The following SLC4A5 variants were observed in gnomAD, a reference collection of about 807,000 sequenced individuals.
SLC4A5 encodes solute carrier family 4 member 5.
SLC4A5 carries 96 observed loss-of-function variants against 120.4 expected under a neutral mutation model. That is an observed-to-expected ratio of 0.80 (90% CI 0.68 to 0.94). The LOEUF (loss-of-function observed/expected upper bound fraction) is 0.94. SLC4A5 is among the 40% of genes least tolerant of loss of function. The pLI is 0.00. For missense variants in SLC4A5, 1,259 were observed against 1,459.5 expected (o/e 0.86, Z 2.24); for synonymous variants, 550 against 571.1 (o/e 0.96, Z 0.53).
At chr2:74,317,847 G>A (rs922642956) in intron 5 of SLC4A5, among the ~76,000 whole-genome samples, 18 of 152,312 alleles carry the variant, frequency 1.2e-4, no homozygotes, top group Admixed American at 2.6e-4. Flanking sequence ...CCCACTGTAA[G>A]TCTATCATTC....
chr2:74,300,085 C>T (rs899074932), intron 7 of SLC4A5, among the ~76,000 whole-genome samples: 1 of 152,106 alleles, frequency 6.6e-6, no homozygotes, highest in Non-Finnish European at 1.5e-5. Flanking sequence ...CATGGAAGAA[C>T]CGGGAGGGCA....
intron 21 of SLC4A5, among the ~76,000 whole-genome samples, chr2:74,237,972 G>A (rs1016939948): frequency 6.6e-6 from 1 of 151,972 alleles, no homozygotes; most frequent in Non-Finnish European, 1.5e-5. Context: ...TGTGGTGGCA[G>A]GCGCCTGTAG....
At chr2:74,305,096 C>T (rs991005400) in intron 6 of SLC4A5, among the ~76,000 whole-genome samples, 1 of 152,182 alleles carries the variant, frequency 6.6e-6, no homozygotes, top group Non-Finnish European at 1.5e-5. Flanking sequence ...TTTTTACTAA[C>T]AATCAAGGAC....
intron 7 of SLC4A5, among the ~76,000 whole-genome samples, chr2:74,297,698 T>C (rs1672374457): frequency 6.6e-6 from 1 of 152,200 alleles, no homozygotes; most frequent in Admixed American, 6.5e-5. Context: ...CCTACTGACT[T>C]TCACCACAGC....
At chr2:74,270,429 T>C (rs575452869) in intron 8 of SLC4A5, among the ~76,000 whole-genome samples, 1 of 152,242 alleles carries the variant, frequency 6.6e-6, no homozygotes, top group East Asian at 1.9e-4. Context: ...ATCCCAGCAC[T>C]TTGGGAGGCA....
intron 4 of SLC4A5, among the ~76,000 whole-genome samples, chr2:74,331,113 G>A (rs1025349764): frequency 6.6e-6 from 1 of 151,128 alleles, no homozygotes; most frequent in Non-Finnish European, 1.5e-5. Context: ...AGATGGTGGT[G>A]GTGAGGTGTA....
At chr2:74,296,204 C>T (rs769718151) in intron 7 of SLC4A5, among the ~76,000 whole-genome samples, 10 of 151,944 alleles carry the variant, frequency 6.6e-5, no homozygotes, top group South Asian at 4.2e-4. Context: ...AAATTCGGGG[C>T]GATCTTGGTT....
chr2:74,221,484 A>G lies in SLC4A5; in HGVS notation c.3349T>C (p.Trp1117Arg). 6.2e-7 allele frequency: 1 copy of G among 1,614,210 alleles called. No individual in the cohort carries two copies. The highest frequency in any genetic ancestry group is 8.5e-7 in the Non-Finnish European group (1 of 1,180,010). The change falls in exon 30 of 31, where the codon TGG (tryptophan) becomes CGG (arginine). Residue 1117 changes from tryptophan to arginine, a missense_variant. Transcript: ENST00000394019. Reference sequence around the variant, plus strand: ...AGGAAGAATCAGAGTGAGTAACTCCAACTGGAAGATCTTTTTCCTGGCAGG... The same window carrying G: ...AGGAAGAATCAGAGTGAGTAACTCCGACTGGAAGATCTTTTTCCTGGCAGG...
chr2:74,317,032 A>T (rs1672986839), intron 5 of SLC4A5, among the ~76,000 whole-genome samples: 1 of 152,266 alleles, frequency 6.6e-6, no homozygotes. Context: ...CACATGCATC[A>T]GGACCACCTT....
intron 12 of SLC4A5, among the ~76,000 whole-genome samples, chr2:74,257,573 T>G (rs1457206329): frequency 6.6e-6 from 1 of 151,766 alleles, no homozygotes; most frequent in Non-Finnish European, 1.5e-5. Context: ...CCCACTTGTT[T>G]TTGTTGTTGT....
In SLC4A5 at chr2:74,285,753, C is replaced by A; in HGVS notation, c.401+20G>T. 6.2e-7 allele frequency: 1 copy of A among 1,606,504 alleles called. No individual in the cohort carries two copies. Among genetic ancestry groups the A allele is most frequent in the South Asian group, 1.1e-5 (1 of 90,784 alleles). ...GTGTGAGACTGAAGTGCCCACCTCC[C>A]TCGTGGGGCCCCGCCTCACCTGGCT... On this transcript the variant is annotated intron_variant, in intron 8 of 30. Coordinates refer to ENST00000394019, the Ensembl canonical transcript of SLC4A5.
At chr2:74,252,262 G>T in exon 16 of SLC4A5, 1 of 1,606,182 alleles carries the variant, frequency 6.2e-7, no homozygotes. Flanking sequence ...CGCCGGCCCC[G>T]CCACTGCCAG....
chr2:74,295,684 A>T (rs528463001), intron 7 of SLC4A5, among the ~76,000 whole-genome samples: 1 of 152,264 alleles, frequency 6.6e-6, no homozygotes, highest in African/African-American at 2.4e-5. Context: ...AAAATTGAGT[A>T]TCTCTACAAA....
chr2:74,303,913 G>A (rs1376093644), intron 7 of SLC4A5, among the ~76,000 whole-genome samples: 188 of 150,686 alleles, frequency 1.2e-3, no homozygotes, highest in Admixed American at 3.2e-3. Context: ...GCAGTGGCGG[G>A]ATCTCGGCTC....
Position 74,232,655 on chromosome 2 carries a change from A to G in SLC4A5, c.2596-8T>C. On this transcript the variant is annotated splice_region_variant and splice_polypyrimidine_tract_variant and intron_variant, in intron 23 of 30. Coordinates refer to ENST00000394019, the Ensembl canonical transcript of SLC4A5. ...ATGGTAGCCGGCAGCCTTCTGCAGG[A>G]GCGGGGTTGGGGGAGGGAGAAGTTT... The G allele has an allele frequency of 1.2e-6, 2 of 1,612,062 alleles. No individual in the cohort carries two copies. The highest frequency in any genetic ancestry group is 1.7e-6 in the Non-Finnish European group (2 of 1,179,326).
intron 8 of SLC4A5, among the ~76,000 whole-genome samples, chr2:74,268,908 A>G (rs553858043): frequency 4.6e-5 from 7 of 152,342 alleles, no homozygotes; most frequent in African/African-American, 1.7e-4. Flanking sequence ...TAACACCTTC[A>G]TTCCATACAT....
At chr2:74,251,118 G>A (rs1670777137) in intron 16 of SLC4A5, among the ~76,000 whole-genome samples, 1 of 152,032 alleles carries the variant, frequency 6.6e-6, no homozygotes, top group African/African-American at 2.4e-5. Flanking sequence ...TGATATTTTG[G>A]ACTGGATACT....
chr2:74,266,080 T>TA (rs1671292274), intron 8 of SLC4A5, among the ~76,000 whole-genome samples: 1 of 152,122 alleles, frequency 6.6e-6, no homozygotes, highest in African/African-American at 2.4e-5. Context: ...AAAGTTCCTC[T>TA]AAAAAAGGTA....
chr2:74,293,865 T>C (rs1330054739), intron 7 of SLC4A5, among the ~76,000 whole-genome samples: 2 of 152,130 alleles, frequency 1.3e-5, no homozygotes, highest in African/African-American at 4.8e-5. Flanking sequence ...AGTACCTTCT[T>C]GAAAACCATA....
Sources: allele counts gnomAD v4.1 joint callset (sites outside exome capture counted in the v4.1 genomes callset), GRCh38; gene constraint gnomAD v4.1.1; transcripts MANE v1.5; gene names NCBI Gene and HGNC (gene_info 2026-07-23, HGNC 2026-07-21).